THEMIS: variants seen among roughly 807,000 people sequenced by gnomAD.
The protein encoded by THEMIS is thymocyte selection associated.
THEMIS carries 37 observed loss-of-function variants against 52.6 expected under a neutral mutation model. The observed-to-expected ratio is 0.70, with a 90% CI of 0.54 to 0.93. THEMIS has a LOEUF of 0.93. Ranked by LOEUF, THEMIS falls within the 40% of genes least tolerant of loss-of-function variation. THEMIS has a pLI of 0.00. For synonymous variants in THEMIS, 292 were observed against 272.7 expected, an observed-to-expected ratio of 1.07 and a Z score of -0.70; for missense variants, 808 against 763.1, an observed-to-expected ratio of 1.06 and a Z score of -0.69.
chr6:127,756,504 G>T (rs537875958), intron 4 of THEMIS, among the ~76,000 whole-genome samples: 1 of 152,196 alleles, frequency 6.6e-6, no homozygotes, highest in East Asian at 1.9e-4. Context: ...AAACCATTTT[G>T]GTACTTTGAA....
rs570817610 is a variant in THEMIS at position 127,734,065 on chromosome 6, GT to G, written c.1759-14243del. 2.0e-3 allele frequency among the ~76,000 whole-genome samples: 300 copies of G among 152,156 alleles called. 3 individuals are homozygous for G. Among genetic ancestry groups the G allele is most frequent in the African/African-American group, 6.9e-3 (287 of 41,530 alleles). ...TACAATCTGCAACATTCATGCTGTG[GT>G]AAACTCTATAAAACAAATACAGTTT... On this transcript the variant is annotated intron_variant, in intron 4 of 5. Transcript: ENST00000368248.
chr6:127,794,065 A>T (rs962496246), intron 4 of THEMIS, among the ~76,000 whole-genome samples: 1 of 152,208 alleles, frequency 6.6e-6, no homozygotes, highest in Non-Finnish European at 1.5e-5. Context: ...TTAAGTCAGA[A>T]TTGGAGAAGT....
At chr6:127,815,890 A>G (rs1778112387) in intron 3 of THEMIS, among the ~76,000 whole-genome samples, 1 of 152,202 alleles carries the variant, frequency 6.6e-6, no homozygotes, top group East Asian at 1.9e-4. Flanking sequence ...TTTCAATACA[A>G]GCTAGATCCC....
At chr6:127,873,353 A>G (rs1780213220) in intron 1 of THEMIS, among the ~76,000 whole-genome samples, 1 of 152,186 alleles carries the variant, frequency 6.6e-6, no homozygotes, top group South Asian at 2.1e-4. Flanking sequence ...GTAAAAGAAG[A>G]CCAAAGGAGG....
At chr6:127,789,414 A>AGATG (rs1435727746) in intron 4 of THEMIS, among the ~76,000 whole-genome samples, 1 of 152,222 alleles carries the variant, frequency 6.6e-6, no homozygotes, top group Non-Finnish European at 1.5e-5. Flanking sequence ...GCCTAGGACC[A>AGATG]GATGGATTCA....
At chr6:127,889,435 T>C (rs1780738689) in intron 1 of THEMIS, among the ~76,000 whole-genome samples, 1 of 152,106 alleles carries the variant, frequency 6.6e-6, no homozygotes, top group African/African-American at 2.4e-5. Flanking sequence ...GCATATGTCA[T>C]ACATAATTAT....
At chr6:127,753,934 A>G (rs149184679) in intron 4 of THEMIS, among the ~76,000 whole-genome samples, 92 of 152,136 alleles carry the variant, frequency 6.0e-4, no homozygotes, top group African/African-American at 1.6e-3. Flanking sequence ...TGATGATGAT[A>G]ATAATAATAT....
At chr6:127,719,904 A>T in intron 4 of THEMIS, 81 bp from the exon 5 acceptor site, 1 of 1,531,270 alleles carries the variant, frequency 6.5e-7, no homozygotes. Flanking sequence ...TCACATGGCA[A>T]TTCATTTCTG....
intron 1 of THEMIS, among the ~76,000 whole-genome samples, chr6:127,889,427 A>G (rs1224367860): frequency 6.6e-6 from 1 of 152,132 alleles, no homozygotes; most frequent in Non-Finnish European, 1.5e-5. Context: ...TATCTATGGC[A>G]TATGTCATAC....
intron 1 of THEMIS, among the ~76,000 whole-genome samples, chr6:127,907,720 A>G (rs1781311585): frequency 6.6e-6 from 1 of 152,046 alleles, no homozygotes; most frequent in Non-Finnish European, 1.5e-5. Context: ...GGTATGTGAT[A>G]AACAAAATCA....
At chr6:127,793,904 T>C (rs1197147029) in intron 4 of THEMIS, among the ~76,000 whole-genome samples, 1 of 152,186 alleles carries the variant, frequency 6.6e-6, no homozygotes, top group Non-Finnish European at 1.5e-5. Context: ...ATTCTCCAAA[T>C]TTCCAGATAA....
chr6:127,785,039 TCTACCTAC>T (rs201464427), intron 4 of THEMIS, among the ~76,000 whole-genome samples: 9 of 151,832 alleles, frequency 5.9e-5, no homozygotes, highest in African/African-American at 1.7e-4. Context: ...TCAATATCTT[TCTACCTAC>T]CTACCTACCT....
At chr6:127,748,683 T>C (rs1775533841) in intron 4 of THEMIS, among the ~76,000 whole-genome samples, 1 of 152,028 alleles carries the variant, frequency 6.6e-6, no homozygotes. Flanking sequence ...GTATCATGAA[T>C]ACTTTAGCAA....
At chr6:127,720,588 C>A (rs10484715) in intron 4 of THEMIS, among the ~76,000 whole-genome samples, 2 of 151,840 alleles carry the variant, frequency 1.3e-5, no homozygotes, top group Non-Finnish European at 2.9e-5. Flanking sequence ...AGATTCTCAG[C>A]GTAAATATTA....
chr6:127,802,631 G>T (rs1220738087), intron 4 of THEMIS, among the ~76,000 whole-genome samples: 1 of 152,182 alleles, frequency 6.6e-6, no homozygotes, highest in Non-Finnish European at 1.5e-5. Context: ...ATGGGCAAAA[G>T]ACTAATTTGA....
intron 1 of THEMIS, among the ~76,000 whole-genome samples, chr6:127,861,160 CT>C (rs1779785069): frequency 6.6e-6 from 1 of 152,032 alleles, no homozygotes; most frequent in African/African-American, 2.4e-5. Flanking sequence ...AACAATATTG[CT>C]TTGGGAGTTG....
intron 2 of THEMIS, among the ~76,000 whole-genome samples, chr6:127,835,738 G>A (rs1437674944): frequency 1.3e-5 from 2 of 152,116 alleles, no homozygotes; most frequent in Middle Eastern, 3.2e-3. Flanking sequence ...ATCTGGCACA[G>A]ATTGAGCAAA....
intron 4 of THEMIS, among the ~76,000 whole-genome samples, chr6:127,794,035 A>T (rs1172425993): frequency 6.6e-6 from 1 of 152,226 alleles, no homozygotes; most frequent in Non-Finnish European, 1.5e-5. Context: ...AACAGAACCC[A>T]GGTAGAAATA....
chr6:127,822,040 T>A (rs1019329636), intron 3 of THEMIS, among the ~76,000 whole-genome samples: 1 of 151,938 alleles, frequency 6.6e-6, no homozygotes, highest in Non-Finnish European at 1.5e-5. Context: ...AATCTCTATA[T>A]TTGTTAGACA....
Sources: gnomAD v4.1 joint callset for allele counts (sites outside exome capture counted in the v4.1 genomes callset) on GRCh38, gnomAD v4.1.1 for gene constraint, MANE v1.5 for transcripts, NCBI Gene and HGNC (gene_info 2026-07-23, HGNC 2026-07-21) for gene names.